The following DCDC2C variants were observed in gnomAD, a reference collection of about 807,000 sequenced individuals.
DCDC2C encodes the protein doublecortin domain containing 2C.
Under a neutral mutation model 45.0 loss-of-function variants are expected in DCDC2C, and 44 were observed. The ratio of observed to expected loss-of-function variants is 0.98; its 90% CI spans 0.77 to 1.26. The LOEUF is 1.26. Among genes scored for constraint, DCDC2C ranks in the 50% most tolerant of loss-of-function variants. The probability of loss-of-function intolerance (pLI) is 0.00; values close to 1 mark genes in which losing one functional copy is unlikely to be tolerated. For synonymous variants in DCDC2C, 187 were observed against 178.8 expected (o/e 1.05, Z -0.37); for missense variants, 447 against 468.9 (o/e 0.95, Z 0.43).
At chr2:3,801,187 A>C (rs1208827145) in intron 10 of DCDC2C, among the ~76,000 whole-genome samples, 1 of 152,244 alleles carries the variant, frequency 6.6e-6, no homozygotes, top group Non-Finnish European at 1.5e-5. Flanking sequence ...GGACTCACTG[A>C]AGGAGGAGTT....
At chr2:3,740,216 A>T (rs372428134) in intron 3 of DCDC2C, among the ~76,000 whole-genome samples, 1 of 152,256 alleles carries the variant, frequency 6.6e-6, no homozygotes, top group South Asian at 2.1e-4. Flanking sequence ...TAATTTATTT[A>T]ACCAGTCATC....
At chr2:3,752,621 T>G in intron 4 of DCDC2C, 142 bp from the exon 5 acceptor site, 2 of 1,009,250 alleles carry the variant, frequency 2.0e-6, no homozygotes, top group Non-Finnish European at 3.0e-6. Context: ...AATTGGCCCG[T>G]TTGGATAACA....
chr2:3,819,197 C>T (rs1212169286), intron 10 of DCDC2C, among the ~76,000 whole-genome samples: 1 of 152,178 alleles, frequency 6.6e-6, no homozygotes, highest in Non-Finnish European at 1.5e-5. Flanking sequence ...GGGAAAGAGT[C>T]AGTCAGAGAG....
rs538689454 is a variant in DCDC2C at position 3,748,546 on chromosome 2, A to T, written c.546-4217A>T. 3.3e-5 allele frequency among the ~76,000 whole-genome samples: 5 copies of T among 152,266 alleles called. No individual in the cohort carries two copies. The East Asian group carries it at 9.6e-4, about 29-fold the overall frequency. Reference sequence around the variant, plus strand: ...TAAGAATTAATTTTTGGACGCGTCCAGTTGGTGAGGCATGTTGGACATCAG... The same window carrying T: ...TAAGAATTAATTTTTGGACGCGTCCTGTTGGTGAGGCATGTTGGACATCAG... On this transcript the variant is annotated intron_variant, in intron 4 of 10. Coordinates refer to ENST00000399143, the MANE Select transcript of DCDC2C (RefSeq NM_001287444.2).
chr2:3,744,363 G>A (rs1669300258), intron 4 of DCDC2C, among the ~76,000 whole-genome samples: 1 of 152,194 alleles, frequency 6.6e-6, no homozygotes, highest in Admixed American at 6.5e-5. Context: ...GCAGATTAGA[G>A]GAAGGTGAAG....
chr2:3,709,053 T>C (rs1192109205), intron 2 of DCDC2C, among the ~76,000 whole-genome samples: 1 of 152,240 alleles, frequency 6.6e-6, no homozygotes, highest in Non-Finnish European at 1.5e-5. Flanking sequence ...ACCGTTCTTA[T>C]CATTTGATTC....
At chr2:3,737,966 GTTT>G (rs1436983556) in intron 3 of DCDC2C, among the ~76,000 whole-genome samples, 10 of 152,142 alleles carry the variant, frequency 6.6e-5, no homozygotes, top group Non-Finnish European at 1.2e-4. Context: ...TCTCTTCAGA[GTTT>G]TTATTTAAAT....
At position 3,793,716 on chromosome 2, in the gene DCDC2C, C is replaced by A. The variant is rs533858235; in HGVS notation, c.1065+8616C>A. On this transcript the variant is annotated intron_variant, in intron 10 of 10. Transcript: ENST00000399143. ...GCAGGCATCCAGTGTCTATCAGGCA[C>A]GCCACATTCTATGCCAGGTTCAGAC... 2.0e-5 allele frequency among the ~76,000 whole-genome samples: 3 copies of A among 152,302 alleles called. No individual in the cohort carries two copies. The South Asian group carries it at 6.2e-4, about 32-fold the overall frequency.
Position 3,727,085 on chromosome 2 carries a change from TATA to T in DCDC2C, c.416+10_416+12del, listed in dbSNP as rs747427009. On this transcript the variant is annotated splice_region_variant and intron_variant, in intron 3 of 10. Coordinates refer to ENST00000399143, the MANE Select transcript of DCDC2C (RefSeq NM_001287444.2). ...CGTATATCTCGACATATAAAGTGAG[TATA>T]ATATTATGGGTGAAAAAATCAAACT... The T allele has an allele frequency of 4.5e-6, 7 of 1,545,514 alleles. No individual in the cohort carries two copies. Among genetic ancestry groups the T allele is most frequent in the Non-Finnish European group, 6.1e-6 (7 of 1,142,912 alleles).
intron 10 of DCDC2C, among the ~76,000 whole-genome samples, chr2:3,808,400 CT>C (rs35580797): frequency 8.1e-5 from 12 of 148,344 alleles, no homozygotes; most frequent in South Asian, 2.2e-4. Context: ...TTTGAAAATT[CT>C]TTTTTTTTTG....
chr2:3,704,191 CG>C (rs1400558648), intron 1 of DCDC2C, 153 bp downstream of exon 1: 2 of 706,446 alleles, frequency 2.8e-6, no homozygotes, highest in Non-Finnish European at 3.9e-6. Flanking sequence ...CAGCCGGCGT[CG>C]GGCCGCCCCA....
chr2:3,826,222 C>T (rs987560289), intron 10 of DCDC2C, among the ~76,000 whole-genome samples: 1 of 152,102 alleles, frequency 6.6e-6, no homozygotes, highest in Non-Finnish European at 1.5e-5. Context: ...CCTTTCCATC[C>T]ACCACCTCCT....
At chr2:3,812,168 G>A (rs1372653713) in intron 10 of DCDC2C, among the ~76,000 whole-genome samples, 1 of 150,666 alleles carries the variant, frequency 6.6e-6, no homozygotes, top group Non-Finnish European at 1.5e-5. Flanking sequence ...GCTCCTCTTT[G>A]TATTTCTGGT....
intron 10 of DCDC2C, 69 bp downstream of exon 10, chr2:3,785,169 C>T (rs776637112): frequency 8.9e-5 from 101 of 1,136,808 alleles, no homozygotes; most frequent in Non-Finnish European, 1.0e-4. Context: ...CAAGAGAATC[C>T]ACGGATCCCC....
At chr2:3,745,662 T>C (rs1669338994) in intron 4 of DCDC2C, among the ~76,000 whole-genome samples, 1 of 152,240 alleles carries the variant, frequency 6.6e-6, no homozygotes, top group Admixed American at 6.5e-5. Flanking sequence ...CCTTAGATAA[T>C]GCTAATATGA....
chr2:3,756,038 G>A lies in DCDC2C; in HGVS notation c.726+1404G>A, dbSNP rs552083988. Among the ~76,000 whole-genome samples, 173 of 151,368 alleles carry A rather than the reference G, an allele frequency of 1.1e-3. 2 individuals carry two copies. Among genetic ancestry groups the A allele is most frequent in the Middle Eastern group, 3.4e-3 (1 of 292 alleles). On this transcript the variant is annotated intron_variant, in intron 6 of 10. Coordinates refer to ENST00000399143, the MANE Select transcript of DCDC2C (RefSeq NM_001287444.2). ...TGCACGTGTGTGTATGGATGCATGT[G>A]TGTGTGGATGCCTGTGTACCTATGT...
intron 4 of DCDC2C, among the ~76,000 whole-genome samples, chr2:3,748,159 T>G (rs1669428289): frequency 6.6e-6 from 1 of 151,978 alleles, no homozygotes; most frequent in Non-Finnish European, 1.5e-5. Flanking sequence ...GTGAGTGTGG[T>G]GGGAATCCAT....
In DCDC2C at chr2:3,734,483, G is replaced by A. The variant is rs115515653; in HGVS notation, c.416+7404G>A. Among the ~76,000 whole-genome samples the A allele has an allele frequency of 5.2e-3, 785 of 152,324 alleles. 6 individuals carry two copies. Among genetic ancestry groups the A allele is most frequent in the African/African-American group, 0.017 (710 of 41,574 alleles). On this transcript the variant is annotated intron_variant, in intron 3 of 10. Coordinates refer to ENST00000399143, the MANE Select transcript of DCDC2C (RefSeq NM_001287444.2). The surrounding 1 kb of genome is among the most constrained non-coding windows in gnomAD (Gnocchi z 4.2). ...ACCACGGGTAAAGGAAGCAAGTGGA[G>A]GGGTTAAGGCTTTGATGGTGTAGTA...
intron 3 of DCDC2C, among the ~76,000 whole-genome samples, chr2:3,730,146 G>A (rs939206111): frequency 5.3e-5 from 8 of 152,238 alleles, no homozygotes; most frequent in Admixed American, 2.6e-4. Flanking sequence ...CGTGACCATC[G>A]GGATGGATAC....
Sources: allele counts gnomAD v4.1 joint callset (sites outside exome capture counted in the v4.1 genomes callset), GRCh38; gene constraint gnomAD v4.1.1; non-coding constraint Gnocchi (gnomAD v3.1); transcripts MANE v1.5; gene names NCBI Gene and HGNC (gene_info 2026-07-23, HGNC 2026-07-21).